The following EPHA7 variants were observed in gnomAD, a reference collection of about 807,000 sequenced individuals.
EPHA7 encodes the protein EPH receptor A7, also known as ephrin type-A receptor 7.
EPHA7 carries 25 observed loss-of-function variants against 112.6 expected under a neutral mutation model. The observed-to-expected ratio is 0.22, with a 90% CI of 0.16 to 0.31. EPHA7 has a LOEUF of 0.31. Ranked by LOEUF, EPHA7 falls within the 10% of genes least tolerant of loss-of-function variation. The pLI, the probability that EPHA7 is intolerant of heterozygous loss-of-function variation, is 1.00. For synonymous variants in EPHA7, 437 were observed against 406.5 expected, an observed-to-expected ratio of 1.07 and a Z score of -0.90; for missense variants, 962 against 1,212.6, an observed-to-expected ratio of 0.79 and a Z score of 3.07.
chr6:93,354,010 C>T (rs9354009), intron 5 of EPHA7, among the ~76,000 whole-genome samples: 28,137 of 152,012 alleles, frequency 0.19, 2,937 homozygotes, highest in East Asian at 0.36. Flanking sequence ...TTCCCAGAAA[C>T]ATGAAATTCT....
intron 5 of EPHA7, among the ~76,000 whole-genome samples, chr6:93,282,613 G>A (rs1406522834): frequency 1.3e-5 from 2 of 152,150 alleles, no homozygotes; most frequent in African/African-American, 2.4e-5. Flanking sequence ...GCCAAGGCTG[G>A]AGCCGGCTCC....
chr6:93,392,400 C>T (rs1352879186), intron 3 of EPHA7, among the ~76,000 whole-genome samples: 1 of 151,814 alleles, frequency 6.6e-6, no homozygotes, highest in African/African-American at 2.4e-5. Flanking sequence ...AAATGTCAAA[C>T]CAGGTATAGG....
chr6:93,341,772 A>G (rs929069902), intron 5 of EPHA7, among the ~76,000 whole-genome samples: 3 of 151,844 alleles, frequency 2.0e-5, no homozygotes, highest in African/African-American at 7.2e-5. Flanking sequence ...ATACAAAATG[A>G]CATGCAGATT....
Position 93,395,574 on chromosome 6 carries a change from T to TTC in EPHA7, c.832+14925_832+14926dup, listed in dbSNP as rs1377978571. Among the ~76,000 whole-genome samples the TTC allele has an allele frequency of 8.6e-5, 8 of 93,096 alleles. No homozygotes were observed. The South Asian group carries it at 1.2e-3, about 14-fold the overall frequency. The allele number at this position is 93,096 out of a possible 152,430, so 61.1% of individuals were successfully genotyped here. On this transcript the variant is annotated intron_variant, in intron 3 of 16. Coordinates refer to ENST00000369303, the MANE Select transcript of EPHA7 (RefSeq NM_004440.4). ...TGGATAAGGATATATCTTTACTTATTTCACACACACACACACACACACACA... is the reference window on the plus strand; with the variant it reads ...TGGATAAGGATATATCTTTACTTATTTCTCACACACACACACACACACACACA...
At chr6:93,273,039 A>G (rs1322877343) in intron 5 of EPHA7, among the ~76,000 whole-genome samples, 3 of 151,978 alleles carry the variant, frequency 2.0e-5, no homozygotes, top group Non-Finnish European at 2.9e-5. Flanking sequence ...ACATACATAC[A>G]CATGGACTCT....
intron 5 of EPHA7, among the ~76,000 whole-genome samples, chr6:93,306,526 C>T (rs1029147174): frequency 1.6e-4 from 24 of 151,972 alleles, no homozygotes; most frequent in South Asian, 4.1e-4. Flanking sequence ...CAGAGTAAAA[C>T]AAAGACCTAA....
chr6:93,317,165 A>T (rs1214590670), intron 5 of EPHA7, among the ~76,000 whole-genome samples: 1 of 152,110 alleles, frequency 6.6e-6, no homozygotes, highest in African/African-American at 2.4e-5. Context: ...CTAGTGTGTA[A>T]GTGGTATGTT....
Position 93,410,734 on chromosome 6 carries a change from A to C in EPHA7, c.599T>G (p.Val200Gly). The C allele has an allele frequency of 6.2e-7, 1 of 1,614,004 alleles. No individual in the cohort carries two copies. Among genetic ancestry groups the C allele is most frequent in the Non-Finnish European group, 8.5e-7 (1 of 1,179,966 alleles). ...GACIALVSVK[V>G]YYKKCWSIIE... The stretch of plus-strand genomic sequence containing the variant: ...AATGGACCAGCACTTCTTGTAGTAC[A>C]CTTTGACAGAAACCAAAGCTATGCA... The change falls in exon 3 of 17, where the codon GTG (valine) becomes GGG (glycine). Residue 200 changes from valine (V) to glycine (G), a missense_variant. By Grantham distance (109) the Val-to-Gly change is moderately radical (BLOSUM62 -3). Transcript: ENST00000369303. The surrounding 1 kb of genome is among the most constrained non-coding windows in gnomAD (Gnocchi z 4.0).
chr6:93,335,419 A>C (rs1399376235), intron 5 of EPHA7, among the ~76,000 whole-genome samples: 12 of 152,232 alleles, frequency 7.9e-5, no homozygotes, highest in Admixed American at 5.9e-4. Context: ...TTCAAATTTT[A>C]CAGTTTCATT....
chr6:93,257,675 A>T (rs1014115113), intron 11 of EPHA7, 152 bp from the exon 12 acceptor site: 2 of 599,896 alleles, frequency 3.3e-6, no homozygotes, highest in African/African-American at 1.9e-5. Flanking sequence ...AAGCTCAAAA[A>T]GTCATTATAT....
At chr6:93,283,822 T>A (rs536582652) in intron 5 of EPHA7, among the ~76,000 whole-genome samples, 2 of 152,274 alleles carry the variant, frequency 1.3e-5, no homozygotes, top group African/African-American at 4.8e-5. Context: ...AGTAATATAG[T>A]TTCACAGAAC....
intron 15 of EPHA7, 68 bp downstream of exon 15, chr6:93,246,724 G>A (rs1769969376): frequency 1.5e-6 from 2 of 1,326,470 alleles, no homozygotes; most frequent in Admixed American, 1.9e-5. Context: ...TGGTGGGGTG[G>A]AGGAGATAAA....
At chr6:93,355,580 G>A (rs567351479) in intron 5 of EPHA7, among the ~76,000 whole-genome samples, 1 of 152,252 alleles carries the variant, frequency 6.6e-6, no homozygotes, top group Non-Finnish European at 1.5e-5. Context: ...TGATAACGTA[G>A]CACTTTGTTG....
intron 3 of EPHA7, among the ~76,000 whole-genome samples, chr6:93,381,646 T>C (rs574543088): frequency 1.3e-5 from 2 of 152,252 alleles, no homozygotes; most frequent in East Asian, 3.9e-4. Context: ...ATGTCAATGG[T>C]TGTTGGAACA....
chr6:93,336,395 T>C (rs1774872043), intron 5 of EPHA7, among the ~76,000 whole-genome samples: 1 of 152,092 alleles, frequency 6.6e-6, no homozygotes, highest in Non-Finnish European at 1.5e-5. Flanking sequence ...TCAAAGCCTT[T>C]TACACTTTGT....
At chr6:93,340,840 G>A (rs987829735) in intron 5 of EPHA7, among the ~76,000 whole-genome samples, 3 of 151,442 alleles carry the variant, frequency 2.0e-5, no homozygotes, top group Non-Finnish European at 4.4e-5. Flanking sequence ...TATACATTGA[G>A]AGAAAAAAAA....
At chr6:93,281,226 C>T (rs1430151767) in intron 5 of EPHA7, among the ~76,000 whole-genome samples, 1 of 152,140 alleles carries the variant, frequency 6.6e-6, no homozygotes, top group Non-Finnish European at 1.5e-5. Context: ...AAATGACTAC[C>T]AAAATGAGAC....
At chr6:93,294,634 A>T (rs1037822908) in intron 5 of EPHA7, among the ~76,000 whole-genome samples, 2 of 152,152 alleles carry the variant, frequency 1.3e-5, no homozygotes, top group African/African-American at 4.8e-5. Context: ...TATTTCAAAG[A>T]ATATATAACA....
intron 7 of EPHA7, among the ~76,000 whole-genome samples, chr6:93,265,080 G>A (rs1770867512): frequency 6.6e-6 from 1 of 151,482 alleles, no homozygotes; most frequent in African/African-American, 2.4e-5. Context: ...TTGTTTTTTG[G>A]TATGTGAAAT....
Sources: gnomAD v4.1 joint callset for allele counts (sites outside exome capture counted in the v4.1 genomes callset) on GRCh38, gnomAD v4.1.1 for gene constraint, Gnocchi (gnomAD v3.1) non-coding constraint, MANE v1.5 for transcripts, NCBI Gene and HGNC (gene_info 2026-07-23, HGNC 2026-07-21) for gene names.